CACNA2D3: variants seen among roughly 807,000 people sequenced by gnomAD.
CACNA2D3 encodes the protein voltage-dependent calcium channel subunit alpha-2/delta-3.
A neutral mutation model predicts 160.6 loss-of-function variants in CACNA2D3; 60 were observed. The observed-to-expected ratio is 0.37, with a 90% CI of 0.30 to 0.46. The LOEUF is 0.46. CACNA2D3 is among the 20% of genes least tolerant of loss of function. CACNA2D3 has a pLI of 1.00. For missense variants in CACNA2D3, 1,205 were observed against 1,365.0 expected, an observed-to-expected ratio of 0.88 and a Z score of 1.85; for synonymous variants, 558 against 492.9, an observed-to-expected ratio of 1.13 and a Z score of -1.75.
At chr3:54,482,917 G>C (rs988822234) in intron 4 of CACNA2D3, among the ~76,000 whole-genome samples, 1 of 152,152 alleles carries the variant, frequency 6.6e-6, no homozygotes, top group Non-Finnish European at 1.5e-5. Flanking sequence ...CAACCCATTG[G>C]CCAAACCAGT....
rs140110596 is a variant in CACNA2D3 at position 54,918,799 on chromosome 3, G to C, written c.2449+18931G>C. On this transcript the variant is annotated intron_variant, in intron 27 of 37. Transcript: ENST00000474759. Reference sequence around the variant, plus strand: ...GGACACTGGATCAGGAGCAGGAAGAGGGCAGGGCTGGTACAGCTCATGAGG... The same window carrying C: ...GGACACTGGATCAGGAGCAGGAAGACGGCAGGGCTGGTACAGCTCATGAGG... 5.4e-4 allele frequency: 879 copies of C among 1,613,848 alleles called. 2 individuals carry two copies. In the African/African-American group the frequency reaches 0.01, roughly 19 times the overall value.
chr3:54,525,091 C>A (rs1050378412), intron 5 of CACNA2D3, among the ~76,000 whole-genome samples: 3 of 152,006 alleles, frequency 2.0e-5, no homozygotes, highest in Non-Finnish European at 4.4e-5. Context: ...TATGTATATA[C>A]ATATAATGGC....
intron 4 of CACNA2D3, among the ~76,000 whole-genome samples, chr3:54,483,633 C>A (rs1255048026): frequency 6.6e-6 from 1 of 152,064 alleles, no homozygotes; most frequent in African/African-American, 2.4e-5. Context: ...GAAGTTAAAA[C>A]AACAACCACA....
At chr3:54,911,351 CTTTT>C (rs58289082) in intron 27 of CACNA2D3, among the ~76,000 whole-genome samples, 9 of 58,580 alleles carry the variant, frequency 1.5e-4, no homozygotes, top group South Asian at 8.9e-4. Flanking sequence ...TCTTTGTCGT[CTTTT>C]TTTTTTTTTT....
At chr3:54,566,901 C>A (rs1702418044) in intron 6 of CACNA2D3, among the ~76,000 whole-genome samples, 1 of 152,142 alleles carries the variant, frequency 6.6e-6, no homozygotes, top group South Asian at 2.1e-4. Context: ...ATGCTGTTTG[C>A]TAGTATCAAG....
rs1411894507 is a variant in CACNA2D3, at chr3:54,570,056, A to G, written c.840A>G (p.Ser280=). The G allele has an allele frequency of 6.2e-7, 1 of 1,613,968 alleles. No individual in the cohort carries two copies. The highest frequency in any genetic ancestry group is 1.7e-5 in the Admixed American group (1 of 60,028). ...LRLTIAKQTV[S]SILDTLGDDD... is the part of the protein sequence containing the mutation. ...TGACTATCGCGAAGCAAACAGTCTC[A>G]TCCATTTTGGATACACTTGGGGATG... Residue 280 remains serine, a synonymous_variant, in exon 8 of 38, where the codon TCA becomes TCG. Transcript: ENST00000474759.
chr3:54,797,885 T>A (rs1702898870), intron 13 of CACNA2D3, among the ~76,000 whole-genome samples: 1 of 152,212 alleles, frequency 6.6e-6, no homozygotes, highest in African/African-American at 2.4e-5. Flanking sequence ...AGCTCCATTA[T>A]TGTTAAGTAA....
At chr3:54,180,100 C>CTT (rs5849033) in intron 2 of CACNA2D3, among the ~76,000 whole-genome samples, 10,158 of 127,636 alleles carry the variant, frequency 0.08, 508 homozygotes, top group African/African-American at 0.11. Context: ...TGTCTTTTGC[C>CTT]TTTTTTTTTT....
chr3:54,688,961 G>A (rs1174177428), intron 11 of CACNA2D3, among the ~76,000 whole-genome samples: 1 of 112,390 alleles, frequency 8.9e-6, no homozygotes, highest in African/African-American at 3.5e-5. Flanking sequence ...CAGCCTGGGA[G>A]ACAGTGTGAG....
chr3:54,391,924 C>G (rs1044975603), intron 4 of CACNA2D3, among the ~76,000 whole-genome samples: 1 of 151,996 alleles, frequency 6.6e-6, no homozygotes, highest in African/African-American at 2.4e-5. Context: ...TTCTTTATTC[C>G]CTGATATCTT....
intron 14 of CACNA2D3, among the ~76,000 whole-genome samples, chr3:54,819,597 A>G (rs1703537979): frequency 6.6e-6 from 1 of 152,168 alleles, no homozygotes; most frequent in Non-Finnish European, 1.5e-5. Flanking sequence ...CTGTAATCCT[A>G]GTGCTTTGGG....
chr3:54,758,477 C>G (rs1354216897), intron 12 of CACNA2D3, among the ~76,000 whole-genome samples: 1 of 152,058 alleles, frequency 6.6e-6, no homozygotes, highest in Admixed American at 6.6e-5. Flanking sequence ...GCTCTCAGCA[C>G]TCAACAGACC....
intron 2 of CACNA2D3, among the ~76,000 whole-genome samples, chr3:54,159,784 C>T (rs1042514795): frequency 2.0e-5 from 3 of 151,978 alleles, no homozygotes; most frequent in African/African-American, 7.3e-5. Context: ...GCTCTTTTCC[C>T]TGGAGAGGAT....
chr3:54,340,391 T>G (rs1704489721), intron 3 of CACNA2D3, among the ~76,000 whole-genome samples: 1 of 152,224 alleles, frequency 6.6e-6, no homozygotes, highest in African/African-American at 2.4e-5. Context: ...TCAAAGTGAG[T>G]TGCAGACTTG....
chr3:55,062,670 CT>C (rs1704543455), intron 35 of CACNA2D3, among the ~76,000 whole-genome samples: 1 of 152,188 alleles, frequency 6.6e-6, no homozygotes, highest in Admixed American at 6.5e-5. Flanking sequence ...GGCGTCTGTC[CT>C]TACGGCTTTT....
chr3:54,753,424 T>C (rs1300927304), intron 12 of CACNA2D3, among the ~76,000 whole-genome samples: 2 of 152,192 alleles, frequency 1.3e-5, no homozygotes, highest in Non-Finnish European at 2.9e-5. Context: ...GGTACTCTCT[T>C]CTGCTCTTGT....
intron 11 of CACNA2D3, among the ~76,000 whole-genome samples, chr3:54,697,506 A>G (rs773978287): frequency 1.3e-4 from 20 of 152,066 alleles, no homozygotes; most frequent in Admixed American, 3.3e-4. Context: ...AGAAATCCCT[A>G]TCTGACCATT....
chr3:54,461,021 C>A (rs1376575191), intron 4 of CACNA2D3, among the ~76,000 whole-genome samples: 3 of 147,906 alleles, frequency 2.0e-5, no homozygotes, highest in African/African-American at 7.8e-5. Flanking sequence ...TTTTCTGCAT[C>A]TATTGAGATA....
At chr3:54,681,236 T>TTATC (rs1488626386) in intron 11 of CACNA2D3, among the ~76,000 whole-genome samples, 1 of 151,518 alleles carries the variant, frequency 6.6e-6, no homozygotes, top group Non-Finnish European at 1.5e-5. Context: ...GTGTCATGTA[T>TTATC]GGATAGAAAG....
Sources: allele counts gnomAD v4.1 joint callset (sites outside exome capture counted in the v4.1 genomes callset), GRCh38; gene constraint gnomAD v4.1.1; transcripts MANE v1.5; gene names NCBI Gene and HGNC (gene_info 2026-07-23, HGNC 2026-07-21).